Variants in DCLK2 observed in about 807,000 individuals in gnomAD.
DCLK2 encodes serine/threonine-protein kinase DCLK2.
Under a neutral mutation model 78.4 loss-of-function variants are expected in DCLK2, and 31 were observed. The ratio of observed to expected loss-of-function variants is 0.40; its 90% CI spans 0.30 to 0.53. DCLK2 has a LOEUF of 0.53. Ranked by LOEUF, DCLK2 falls within the 20% of genes least tolerant of loss-of-function variation. The probability of loss-of-function intolerance (pLI) is 0.61; values close to 1 mark genes in which losing one functional copy is unlikely to be tolerated. For missense variants in DCLK2, 872 were observed against 973.7 expected (o/e 0.90, Z 1.39); for synonymous variants, 407 against 374.9 (o/e 1.09, Z -0.99).
chr4:150,153,741 T>C (rs1580608194), intron 2 of DCLK2, among the ~76,000 whole-genome samples: 1 of 152,002 alleles, frequency 6.6e-6, no homozygotes, highest in Non-Finnish European at 1.5e-5. Flanking sequence ...TTATTAAGTC[T>C]GTATTAGGAC....
Position 150,124,518 on chromosome 4 carries a change from C to T in DCLK2, c.756+21706C>T, listed in dbSNP as rs186468730. On this transcript the variant is annotated intron_variant, in intron 2 of 15. Transcript: ENST00000296550. Reference sequence around the variant, plus strand: ...GTGCATCAGTGCATACTGAAGCTGACGTTAGTTACATGGTTGCATTTTTGA... The same window carrying T: ...GTGCATCAGTGCATACTGAAGCTGATGTTAGTTACATGGTTGCATTTTTGA... Among the ~76,000 whole-genome samples, 240 of 152,142 alleles carry T rather than the reference C, an allele frequency of 1.6e-3. 1 individual carries two copies. The highest frequency in any genetic ancestry group is 5.6e-4 in the Non-Finnish European group (38 of 68,008).
chr4:150,215,173 C>CA (rs1458122610), intron 5 of DCLK2, among the ~76,000 whole-genome samples: 29 of 151,502 alleles, frequency 1.9e-4, no homozygotes, highest in South Asian at 4.2e-4. Flanking sequence ...GCTCTGACAC[C>CA]AAAAAAAACA....
rs79949202 is a variant in DCLK2 at position 150,139,852 on chromosome 4, C to T, written c.756+37040C>T. ...TTTGGTCATTATTGTCTTGTCATTC[C>T]ATCCTTTTAAATGTATAATTTCAAA... is the stretch of plus-strand genomic sequence containing the variant. On this transcript the variant is annotated intron_variant, in intron 2 of 15. Coordinates refer to ENST00000296550, the MANE Select transcript of DCLK2 (RefSeq NM_001040260.4). Among the ~76,000 whole-genome samples, 255 of 152,292 alleles carry T rather than the reference C, an allele frequency of 1.7e-3. 1 individual carries two copies. Among genetic ancestry groups the T allele is most frequent in the Non-Finnish European group, 2.2e-3 (149 of 68,010 alleles).
intron 1 of DCLK2, among the ~76,000 whole-genome samples, chr4:150,083,791 G>A (rs1729463026): frequency 6.6e-6 from 1 of 152,174 alleles, no homozygotes; most frequent in African/African-American, 2.4e-5. Context: ...TTCTTTACCT[G>A]TGAAACCCCT....
At chr4:150,187,997 C>T (rs1331645160) in intron 2 of DCLK2, among the ~76,000 whole-genome samples, 4 of 152,090 alleles carry the variant, frequency 2.6e-5, no homozygotes, top group Non-Finnish European at 5.9e-5. Context: ...GACGGGGTTT[C>T]GCCATGTTGG....
At chr4:150,110,699 T>A (rs1448571020) in intron 2 of DCLK2, among the ~76,000 whole-genome samples, 4 of 152,196 alleles carry the variant, frequency 2.6e-5, no homozygotes, top group Non-Finnish European at 5.9e-5. Flanking sequence ...TGTGTTCCCA[T>A]AGCTTAGTTC....
At chr4:150,239,379 C>A (rs1452232516) in intron 10 of DCLK2, among the ~76,000 whole-genome samples, 1 of 152,112 alleles carries the variant, frequency 6.6e-6, no homozygotes, top group Non-Finnish European at 1.5e-5. Flanking sequence ...GGGCAGATCT[C>A]ACGATCCCAG....
chr4:150,172,294 G>A (rs944811794), intron 2 of DCLK2, among the ~76,000 whole-genome samples: 1 of 152,132 alleles, frequency 6.6e-6, no homozygotes, highest in Non-Finnish European at 1.5e-5. Flanking sequence ...ATATTTGGCA[G>A]TGTGGCCTGT....
chr4:150,128,860 G>C (rs13109942), intron 2 of DCLK2, among the ~76,000 whole-genome samples: 54,035 of 151,948 alleles, frequency 0.36, 10,138 homozygotes, highest in East Asian at 0.44. Flanking sequence ...AAAGGAGTGG[G>C]ATTTTATTTC....
chr4:150,155,089 G>T (rs1256383703), intron 2 of DCLK2, among the ~76,000 whole-genome samples: 1 of 152,152 alleles, frequency 6.6e-6, no homozygotes, highest in Non-Finnish European at 1.5e-5. Context: ...AAAATTAGCT[G>T]GGTGTGGTGG....
chr4:150,249,719 G>C, intron 15 of DCLK2, 35 bp downstream of exon 15: 1 of 1,571,984 alleles, frequency 6.4e-7, no homozygotes, highest in Non-Finnish European at 8.8e-7. Context: ...CCTGACTGCG[G>C]AGCCGGCCTT....
rs1553959334 is a variant in DCLK2 at position 150,135,184 on chromosome 4, A to ACACT, written c.756+32375_756+32376insTCAC. ...CACGTGTACACACACACACACACAC[A>ACACT]CACACACACTGTCTCTCTCAGTTTC... On this transcript the variant is annotated intron_variant, in intron 2 of 15. Transcript: ENST00000296550. Among the ~76,000 whole-genome samples the ACACT allele has an allele frequency of 1.7e-4, 26 of 151,916 alleles. No homozygotes were observed. The South Asian group carries it at 3.7e-3, about 22-fold the overall frequency.
At chr4:150,097,629 C>G (rs779445328) in intron 1 of DCLK2, among the ~76,000 whole-genome samples, 5 of 152,208 alleles carry the variant, frequency 3.3e-5, no homozygotes, top group Admixed American at 6.5e-5. Flanking sequence ...TGCAAAGTGT[C>G]TTTGAATGGA....
chr4:150,082,999 C>G (rs1298932002), intron 1 of DCLK2, among the ~76,000 whole-genome samples: 1 of 152,220 alleles, frequency 6.6e-6, no homozygotes, highest in Non-Finnish European at 1.5e-5. Flanking sequence ...ACCTCACTTC[C>G]CTGGCCTTGG....
intron 2 of DCLK2, among the ~76,000 whole-genome samples, chr4:150,132,351 A>G (rs1452631529): frequency 6.6e-6 from 1 of 152,218 alleles, no homozygotes; most frequent in African/African-American, 2.4e-5. Flanking sequence ...TCAGTGGGTA[A>G]TGTGGACTGT....
chr4:150,224,386 A>AATGAGATCT (rs1741434024), intron 7 of DCLK2, 115 bp from the exon 8 acceptor site: 2 of 886,776 alleles, frequency 2.3e-6, no homozygotes, highest in Admixed American at 2.9e-5. Context: ...TGGGCAACAT[A>AATGAGATCT]ATGAGATCTC....
At chr4:150,186,847 C>T (rs1044071581) in intron 2 of DCLK2, among the ~76,000 whole-genome samples, 5 of 151,632 alleles carry the variant, frequency 3.3e-5, no homozygotes, top group Admixed American at 1.3e-4. Context: ...GAGCTGTGAT[C>T]GTGCCACTGC....
chr4:150,234,221 T>C (rs1280763419), intron 10 of DCLK2, among the ~76,000 whole-genome samples: 1 of 152,194 alleles, frequency 6.6e-6, no homozygotes. Flanking sequence ...TAAGTCTTCT[T>C]TAACATCACT....
intron 2 of DCLK2, among the ~76,000 whole-genome samples, chr4:150,127,395 C>T (rs886289056): frequency 3.3e-5 from 5 of 152,148 alleles, no homozygotes; most frequent in Non-Finnish European, 7.4e-5. Flanking sequence ...TATCCCTTCT[C>T]CCCTATTTAC....
Sources: gnomAD v4.1 joint callset for allele counts (sites outside exome capture counted in the v4.1 genomes callset) on GRCh38, gnomAD v4.1.1 for gene constraint, MANE v1.5 for transcripts, NCBI Gene and HGNC (gene_info 2026-07-23, HGNC 2026-07-21) for gene names.